Variants in ABCA13 observed in about 807,000 individuals in gnomAD.
ABCA13 encodes the protein ATP binding cassette subfamily A member 13.
Under a neutral mutation model 478.7 loss-of-function variants are expected in ABCA13, and 476 were observed. The ratio of observed to expected loss-of-function variants is 0.99; its 90% CI spans 0.92 to 1.07. The LOEUF (loss-of-function observed/expected upper bound fraction) is 1.07, where lower values mean the gene tolerates loss of function less well. ABCA13 is among the 50% of genes least tolerant of loss of function. The pLI is 0.00. For missense variants in ABCA13, 6,060 were observed against 5,910.6 expected (o/e 1.03, Z -0.83); for synonymous variants, 2,252 against 2,158.9 (o/e 1.04, Z -1.20).
chr7:48,326,095 A>G (rs1301849388), intron 27 of ABCA13, among the ~76,000 whole-genome samples: 1 of 152,218 alleles, frequency 6.6e-6, no homozygotes, highest in Admixed American at 6.5e-5. Flanking sequence ...AGAAGGTGCC[A>G]TGTGCTGCTG....
intron 49 of ABCA13, among the ~76,000 whole-genome samples, chr7:48,506,906 C>T (rs1831263067): frequency 6.6e-6 from 1 of 152,142 alleles, no homozygotes; most frequent in African/African-American, 2.4e-5. Flanking sequence ...TTTTCTCCCC[C>T]ATCTCCCTTC....
At chr7:48,618,131 C>T (rs1440125372) in intron 59 of ABCA13, among the ~76,000 whole-genome samples, 1 of 152,112 alleles carries the variant, frequency 6.6e-6, no homozygotes. Context: ...GAGTAAGACC[C>T]AAGCACAGGG....
intron 23 of ABCA13, among the ~76,000 whole-genome samples, chr7:48,303,440 G>T (rs897673367): frequency 6.6e-6 from 1 of 152,090 alleles, no homozygotes; most frequent in African/African-American, 2.4e-5. Context: ...TATTACCTAG[G>T]TTGTCTTCCA....
chr7:48,498,184 A>G (rs1053677425), intron 48 of ABCA13, among the ~76,000 whole-genome samples: 3 of 152,162 alleles, frequency 2.0e-5, no homozygotes, highest in Non-Finnish European at 4.4e-5. Context: ...TCACTACCCA[A>G]TGGGCCCTGC....
chr7:48,351,111 C>G (rs1243766459), intron 30 of ABCA13, among the ~76,000 whole-genome samples: 1 of 152,190 alleles, frequency 6.6e-6, no homozygotes, highest in Admixed American at 6.5e-5. Context: ...TTTATAACAT[C>G]ATGTTCTAGT....
rs71006559 is a variant in ABCA13 at position 48,232,139 on chromosome 7, ATTTTTTTTTT to A, written c.764-1863_764-1854del. On this transcript the variant is annotated intron_variant, in intron 7 of 61. Coordinates refer to ENST00000435803, the MANE Select transcript of ABCA13 (RefSeq NM_152701.5). ...CTCAGCACAGTGAGACCCACATGGA[ATTTTTTTTTT>A]TTTTTTTTTTTTTTTAGCTTTCTGT... 2.2e-3 allele frequency among the ~76,000 whole-genome samples: 114 copies of A among 51,316 alleles called. 4 individuals are homozygous for A. The highest frequency in any genetic ancestry group is 5.3e-3 in the African/African-American group (66 of 12,568). The allele number at this position is 51,316 out of a possible 152,430, so 33.7% of individuals were successfully genotyped here.
chr7:48,630,121 A>T lies in ABCA13; in HGVS notation c.14838-13167A>T, dbSNP rs554480838. Among the ~76,000 whole-genome samples, 7 of 152,280 alleles carry T rather than the reference A, an allele frequency of 4.6e-5. No homozygotes were observed. In the South Asian group the frequency reaches 1.5e-3, roughly 32 times the overall value. ...ATTACTACTCTAAATATTTTATATA[A>T]TATCCTGTCAGTATTTCAAGGATAA... On this transcript the variant is annotated intron_variant, in intron 59 of 61. Transcript: ENST00000435803.
chr7:48,595,807 T>A (rs746679012), intron 58 of ABCA13, among the ~76,000 whole-genome samples: 1 of 152,188 alleles, frequency 6.6e-6, no homozygotes, highest in Non-Finnish European at 1.5e-5. Context: ...GCTACTAGCA[T>A]AACTTTGAGA....
intron 41 of ABCA13, among the ~76,000 whole-genome samples, chr7:48,424,580 A>G (rs537046439): frequency 6.6e-6 from 1 of 152,352 alleles, no homozygotes; most frequent in Admixed American, 6.5e-5. Flanking sequence ...CTTACTGATG[A>G]CGCTAAGTGA....
intron 28 of ABCA13, among the ~76,000 whole-genome samples, chr7:48,337,170 G>A (rs886167817): frequency 1.1e-4 from 16 of 152,114 alleles, no homozygotes; most frequent in Admixed American, 3.3e-4. Context: ...CAGTACCTTG[G>A]GTTTGTAGTA....
intron 35 of ABCA13, among the ~76,000 whole-genome samples, chr7:48,381,187 A>G (rs1814314701): frequency 6.6e-6 from 1 of 152,028 alleles, no homozygotes; most frequent in Non-Finnish European, 1.5e-5. Flanking sequence ...AACAAAGTGT[A>G]GTTTCAATGA....
chr7:48,186,172 A>G (rs1796327425), intron 1 of ABCA13, among the ~76,000 whole-genome samples: 1 of 152,086 alleles, frequency 6.6e-6, no homozygotes, highest in South Asian at 2.1e-4. Flanking sequence ...TGTCTTTCAA[A>G]TAGTGAGTTT....
At chr7:48,407,896 A>G (rs1818471279) in intron 39 of ABCA13, among the ~76,000 whole-genome samples, 1 of 152,156 alleles carries the variant, frequency 6.6e-6, no homozygotes, top group Non-Finnish European at 1.5e-5. Context: ...TTTAAAGTAT[A>G]TGGGAGGATG....
Position 48,271,837 on chromosome 7 carries a change from C to T in ABCA13, c.2171C>T (p.Thr724Ile), listed in dbSNP as rs1261669784. The change falls in exon 17 of 62, where the codon ACC (threonine) becomes ATC (isoleucine). Residue 724 changes from threonine to isoleucine, a missense_variant. Thr to Ile is a moderately conservative substitution (Grantham distance 89). Transcript: ENST00000435803. ...HLLMMEKKLH[T>I]LEDEQMNFLL... ...CTAATGATGGAAAAGAAGTTGCACA[C>T]CCTTGAGGATGAACAAATGAACTTT... 7 of 1,575,506 alleles carry T rather than the reference C, an allele frequency of 4.4e-6. No homozygotes were observed. Among genetic ancestry groups the T allele is most frequent in the Middle Eastern group, 1.7e-4 (1 of 6,040 alleles).
At chr7:48,593,469 TA>T (rs987820286) in intron 57 of ABCA13, among the ~76,000 whole-genome samples, 49 of 152,110 alleles carry the variant, frequency 3.2e-4, no homozygotes, top group Admixed American at 2.9e-3. Context: ...GTATTTCCAT[TA>T]AAAAATTATT....
intron 39 of ABCA13, among the ~76,000 whole-genome samples, chr7:48,405,424 G>A (rs1022243436): frequency 1.3e-5 from 2 of 152,190 alleles, no homozygotes; most frequent in African/African-American, 4.8e-5. Flanking sequence ...GAAGACTCCT[G>A]ACTCCATTTA....
chr7:48,350,846 C>T (rs199642566), intron 30 of ABCA13, 27 bp downstream of exon 30: 14 of 1,596,280 alleles, frequency 8.8e-6, no homozygotes, highest in South Asian at 3.4e-5. Flanking sequence ...AAAATATGTT[C>T]GCCAAGATGC....
intron 59 of ABCA13, among the ~76,000 whole-genome samples, chr7:48,624,307 A>G (rs1793453967): frequency 6.6e-6 from 1 of 152,112 alleles, no homozygotes; most frequent in Non-Finnish European, 1.5e-5. Flanking sequence ...CATATTCCCA[A>G]CTTACCTGGA....
At chr7:48,302,187 A>G (rs1391710082) in intron 23 of ABCA13, among the ~76,000 whole-genome samples, 1 of 152,204 alleles carries the variant, frequency 6.6e-6, no homozygotes, top group Admixed American at 6.5e-5. Flanking sequence ...TTACAAATTA[A>G]TAGTTCTAAG....
Sources: gnomAD v4.1 joint callset for allele counts (sites outside exome capture counted in the v4.1 genomes callset) on GRCh38, gnomAD v4.1.1 for gene constraint, MANE v1.5 for transcripts, NCBI Gene and HGNC (gene_info 2026-07-23, HGNC 2026-07-21) for gene names.